The following OSBPL7 variants were observed in gnomAD, a reference collection of about 807,000 sequenced individuals.
OSBPL7 encodes the protein oxysterol-binding protein-related protein 7.
Under a neutral mutation model 115.8 loss-of-function variants are expected in OSBPL7, and 66 were observed. That is an observed-to-expected ratio of 0.57 (90% CI 0.47 to 0.70). The LOEUF (loss-of-function observed/expected upper bound fraction) is 0.70, where lower values mean the gene tolerates loss of function less well. OSBPL7 is among the 30% of genes least tolerant of loss of function. OSBPL7 has a pLI of 0.00. For synonymous variants in OSBPL7, 441 were observed against 439.2 expected, an observed-to-expected ratio of 1.00 and a Z score of -0.05; for missense variants, 902 against 1,125.5, an observed-to-expected ratio of 0.80 and a Z score of 2.84.
intron 13 of OSBPL7, 199 bp from the exon 14 acceptor site, chr17:47,814,813 G>A (rs1195697771): frequency 3.3e-6 from 2 of 602,378 alleles, no homozygotes; most frequent in East Asian, 2.8e-5. Flanking sequence ...TTGGGAAGGG[G>A]AGGGCCGGGC....
intron 5 of OSBPL7, 61 bp downstream of exon 5, chr17:47,818,925 G>T: frequency 7.1e-7 from 1 of 1,408,628 alleles, no homozygotes; most frequent in Non-Finnish European, 1.0e-6. Context: ...CTGCCCCTGT[G>T]TGTTCCAATG....
At chr17:47,819,466 G>T in intron 4 of OSBPL7, 1 of 583,968 alleles carries the variant, frequency 1.7e-6, no homozygotes, top group Non-Finnish European at 3.0e-6. Flanking sequence ...CCCATTTCTT[G>T]GGCACTTATT....
At position 47,817,187 on chromosome 17, in the gene OSBPL7, G is replaced by A. The variant is rs56382107; in HGVS notation, c.702+69C>T. 131 of 1,268,822 alleles carry A rather than the reference G, an allele frequency of 1.0e-4. No individual in the cohort carries two copies. The African/African-American group carries it at 1.9e-3, about 18-fold the overall frequency. The allele number at this position is 1,268,822 out of a possible 1,614,324, so 78.6% of individuals were successfully genotyped here. ...AAACTGCAGCGATGTAGGAGGAATA[G>A]GACCCATCCTGGGGAAGTGATGGGA... On this transcript the variant is annotated intron_variant, in intron 8 of 22. Transcript: ENST00000007414.
rs2032937498 is a variant in OSBPL7 at position 47,808,732 on chromosome 17, G to C, written c.2298-72C>G. On this transcript the variant is annotated intron_variant, in intron 21 of 22. Transcript: ENST00000007414. This position sits in a 1 kb window ranked among gnomAD's most constrained non-coding sequence, Gnocchi z 6.1. Reference sequence around the variant, plus strand: ...CCCCAAACCCAAGGCCTCTGTCTCTGCCCAACTCTGTCCTCTAGACAAGCC... The same window carrying C: ...CCCCAAACCCAAGGCCTCTGTCTCTCCCCAACTCTGTCCTCTAGACAAGCC... 4.4e-6 allele frequency: 7 copies of C among 1,606,976 alleles called. No homozygotes were observed. Among genetic ancestry groups the C allele is most frequent in the Middle Eastern group, 1.7e-4 (1 of 5,976 alleles).
At chr17:47,819,146 C>T in intron 4 of OSBPL7, 47 bp from the exon 5 acceptor site, 1 of 1,529,750 alleles carries the variant, frequency 6.5e-7, no homozygotes, top group Non-Finnish European at 9.1e-7. Flanking sequence ...GTTTTAGGCT[C>T]TCAGAGCCAT....
At chr17:47,817,013 G>A (rs771301745) in intron 8 of OSBPL7, 141 bp from the exon 9 acceptor site, 1 of 849,260 alleles carries the variant, frequency 1.2e-6, no homozygotes, top group Non-Finnish European at 1.9e-6. Context: ...CGGCCGCTCA[G>A]GCAGGGCGAC....
At chr17:47,810,866 G>T (rs2033019719) in intron 16 of OSBPL7, 31 bp from the exon 17 acceptor site, 1 of 1,605,876 alleles carries the variant, frequency 6.2e-7, no homozygotes, top group Non-Finnish European at 8.5e-7. Flanking sequence ...TCTTGAGGCT[G>T]TCCCCGAGCA....
At chr17:47,811,203 A>T (rs921514258) in intron 16 of OSBPL7, among the ~76,000 whole-genome samples, 1 of 58,038 alleles carries the variant, frequency 1.7e-5, no homozygotes, top group African/African-American at 6.2e-5. Flanking sequence ...ATCTCCCCCC[A>T]CCCCACCCCA....
chr17:47,815,156 C>T, intron 13 of OSBPL7, 59 bp downstream of exon 13: 1 of 1,570,778 alleles, frequency 6.4e-7, no homozygotes, highest in Non-Finnish European at 8.6e-7. Context: ...TGGACCCCAC[C>T]CTTCTGTTCC....
Position 47,810,681 on chromosome 17 carries a change from G to A in OSBPL7, c.1802-9C>T. 6.2e-7 allele frequency: 1 copy of A among 1,613,892 alleles called. No homozygotes were observed. Among genetic ancestry groups the A allele is most frequent in the South Asian group, 1.1e-5 (1 of 91,064 alleles). ...GTTCTTCCACTTCATATCTGGAATT[G>A]GATTAGGGGAGGGAGAGTGAACAAC... On this transcript the variant is annotated splice_polypyrimidine_tract_variant and intron_variant, in intron 17 of 22. Transcript: ENST00000007414.
chr17:47,819,921 T>TGGC, intron 3 of OSBPL7, 50 bp downstream of exon 3: 8 of 1,343,806 alleles, frequency 6.0e-6, no homozygotes, highest in Non-Finnish European at 7.3e-6. Flanking sequence ...TGCCCCCCAT[T>TGGC]CCCACCCCGC....
chr17:47,815,438 G>A (rs1441700606), intron 12 of OSBPL7, 86 bp from the exon 13 acceptor site: 1 of 1,556,820 alleles, frequency 6.4e-7, no homozygotes, highest in South Asian at 1.2e-5. Flanking sequence ...CAGTTCCCTT[G>A]AGAGGGAGGC....
rs2143547597 is a variant in OSBPL7 at position 47,816,322 on chromosome 17, C to A, written c.1023+66G>T. The A allele has an allele frequency of 2.7e-6, 4 of 1,485,654 alleles. No homozygotes were observed. In the East Asian group the frequency reaches 9.9e-5, roughly 37 times the overall value. 92.0% of individuals were successfully genotyped at this position (1,485,654 alleles called of 1,614,324 possible). On this transcript the variant is annotated intron_variant, in intron 11 of 22. Coordinates refer to ENST00000007414, the MANE Select transcript of OSBPL7 (RefSeq NM_145798.3). The surrounding 1 kb of genome is among the most constrained non-coding windows in gnomAD (Gnocchi z 5.8). ...CCTGACCCAGATCTGCTATCGGACC[C>A]CAGGCTGGCAGTCCTCAGCTTGAAG...
At chr17:47,819,894 T>C (rs537580928) in intron 3 of OSBPL7, 77 bp downstream of exon 3, 82 of 1,606,264 alleles carry the variant, frequency 5.1e-5, no homozygotes, top group African/African-American at 4.4e-4. Context: ...GCAAACACCA[T>C]TGGACTGCCC....
rs1168402337 is a variant in OSBPL7 at position 47,807,853 on chromosome 17, T to A, written c.*438A>T. On this transcript the variant is annotated 3_prime_UTR_variant, in exon 23 of 23. Coordinates refer to ENST00000007414, the MANE Select transcript of OSBPL7 (RefSeq NM_145798.3). The stretch of plus-strand genomic sequence containing the variant: ...TGGGCAGAAGGGGAGGGAGAACAGA[T>A]CACCTCCTCTCCTTCACTCACTGCA... 1.1e-5 allele frequency: 2 copies of A among 176,056 alleles called. No homozygotes were observed. Among genetic ancestry groups the A allele is most frequent in the East Asian group, 3.1e-4 (2 of 6,556 alleles). 10.9% of individuals were successfully genotyped at this position (176,056 alleles called of 1,614,324 possible).
At chr17:47,817,916 A>G (rs1300422002) in intron 7 of OSBPL7, among the ~76,000 whole-genome samples, 1 of 151,996 alleles carries the variant, frequency 6.6e-6, no homozygotes. Flanking sequence ...CTTGGTTTAC[A>G]CTTCTCCCTC....
chr17:47,808,108 C>T lies in OSBPL7; in HGVS notation c.*183G>A, dbSNP rs1046605683. The T allele has an allele frequency of 1.3e-5, 8 of 593,536 alleles. No homozygotes were observed. The highest frequency in any genetic ancestry group is 1.3e-4 in the African/African-American group (7 of 53,734). The allele number at this position is 593,536 out of a possible 1,614,324, so 36.8% of individuals were successfully genotyped here. ...CACAGATTCTGCTTCTCACCCCAAA[C>T]GGTGGGGTTGGGGGTGGGCTGAGAT... On this transcript the variant is annotated 3_prime_UTR_variant, in exon 23 of 23. Coordinates refer to ENST00000007414, the MANE Select transcript of OSBPL7 (RefSeq NM_145798.3). The surrounding 1 kb of genome is among the most constrained non-coding windows in gnomAD (Gnocchi z 6.1).
Position 47,816,033 on chromosome 17 carries a change from G to A in OSBPL7, c.1119+74C>T. The A allele has an allele frequency of 1.4e-6, 2 of 1,382,968 alleles. No individual in the cohort carries two copies. Among genetic ancestry groups the A allele is most frequent in the South Asian group, 1.4e-5 (1 of 71,866 alleles). The allele number at this position is 1,382,968 out of a possible 1,614,324, so 85.7% of individuals were successfully genotyped here. The stretch of plus-strand genomic sequence containing the variant: ...GGACTAAAAACCAACTTTGCCCACT[G>A]CCCTGGGCCTTGGCTTTCGCTGGGA... On this transcript the variant is annotated intron_variant, in intron 12 of 22. Coordinates refer to ENST00000007414, the MANE Select transcript of OSBPL7 (RefSeq NM_145798.3). The surrounding 1 kb of genome is among the most constrained non-coding windows in gnomAD (Gnocchi z 5.8).
chr17:47,820,402 T>C, intron 1 of OSBPL7, 37 bp from the exon 2 acceptor site: 1 of 862,016 alleles, frequency 1.2e-6, no homozygotes, highest in Non-Finnish European at 1.8e-6. Context: ...ACGCAAACTC[T>C]GCTATCACCT....
Sources: allele counts gnomAD v4.1 joint callset (sites outside exome capture counted in the v4.1 genomes callset), GRCh38; gene constraint gnomAD v4.1.1; non-coding constraint Gnocchi (gnomAD v3.1); transcripts MANE v1.5; gene names NCBI Gene and HGNC (gene_info 2026-07-23, HGNC 2026-07-21).